Variants in PGM5 observed in about 807,000 individuals in gnomAD.
PGM5 encodes the protein phosphoglucomutase-like protein 5.
PGM5 carries 23 observed loss-of-function variants against 59.2 expected under a neutral mutation model. The ratio of observed to expected loss-of-function variants is 0.39; its 90% confidence interval spans 0.28 to 0.55. The LOEUF is 0.55. Among genes scored for constraint, PGM5 ranks in the 20% least tolerant of loss-of-function variants. The pLI is 0.66. For missense variants in PGM5, 574 were observed against 748.3 expected, an observed-to-expected ratio of 0.77 and a Z score of 2.72; for synonymous variants, 214 against 286.0, an observed-to-expected ratio of 0.75 and a Z score of 2.54.
chr9:68,403,380 GTAA>G (rs1192557117), intron 6 of PGM5, among the ~76,000 whole-genome samples: 2 of 152,064 alleles, frequency 1.3e-5, no homozygotes, highest in African/African-American at 4.8e-5. Context: ...ATATTACAGA[GTAA>G]TAATAATAGA....
At chr9:68,473,002 G>T (rs994519569) in intron 7 of PGM5, among the ~76,000 whole-genome samples, 6 of 152,056 alleles carry the variant, frequency 3.9e-5, no homozygotes, top group Non-Finnish European at 5.9e-5. Flanking sequence ...GCATAGAAAG[G>T]TGACTTTTTT....
At chr9:68,527,331 A>T (rs1472169891) in intron 10 of PGM5, among the ~76,000 whole-genome samples, 2 of 152,158 alleles carry the variant, frequency 1.3e-5, no homozygotes, top group African/African-American at 4.8e-5. Flanking sequence ...GTTTATCTTT[A>T]TTCACCCTCT....
At chr9:68,426,678 T>G (rs1823244788) in intron 6 of PGM5, among the ~76,000 whole-genome samples, 1 of 151,494 alleles carries the variant, frequency 6.6e-6, no homozygotes. Context: ...GGAGTCAAAG[T>G]GAATGACCAT....
Position 68,480,957 on chromosome 9 carries a change from T to G in PGM5, c.1295+1404T>G, listed in dbSNP as rs535566198. Reference sequence around the variant, plus strand: ...GAAGCCATGGGTTAGGAGGAGGGAGTAGGAAACGATGTTAACTGTAAAGAA... The same window carrying G: ...GAAGCCATGGGTTAGGAGGAGGGAGGAGGAAACGATGTTAACTGTAAAGAA... On this transcript the variant is annotated intron_variant, in intron 8 of 10. Transcript: ENST00000396396. Among the ~76,000 whole-genome samples, 11 of 151,786 alleles carry G rather than the reference T, an allele frequency of 7.2e-5. No individual in the cohort carries two copies. The South Asian group carries it at 2.1e-3, about 29-fold the overall frequency.
In PGM5 at chr9:68,384,526, A is replaced by T. The variant is rs1240762339; in HGVS notation, c.553A>T (p.Lys185Ter). ...AAGACAAGAATTTGACCTAGAAAAC[A>T]AATTCAAACCATTCAGAGGTAACAG... ...LGRQEFDLEN[K>*]FKPFRVEIVD... Residue 185 changes from lysine to a stop codon, truncating the protein, a stop_gained, in exon 3 of 11, where the codon AAA becomes TAA. Transcript: ENST00000396396. LOFTEE classifies it high-confidence loss of function. 5 of 1,610,342 alleles carry T rather than the reference A, an allele frequency of 3.1e-6. No homozygotes were observed. The highest frequency in any genetic ancestry group is 4.2e-6 in the Non-Finnish European group (5 of 1,177,400).
At chr9:68,395,667 T>G (rs1554679908) in intron 6 of PGM5, 1 of 152,178 alleles carries the variant, frequency 6.6e-6, no homozygotes, top group African/African-American at 2.4e-5. Context: ...TTTGTTAAAT[T>G]TATTTCTGAG....
chr9:68,529,860 C>T lies in PGM5; in HGVS notation c.*204C>T, dbSNP rs1322847927. 4.2e-6 allele frequency: 2 copies of T among 476,672 alleles called. No individual in the cohort carries two copies. The highest frequency in any genetic ancestry group is 7.4e-6 in the Non-Finnish European group (2 of 270,946). 29.5% of individuals were successfully genotyped at this position (476,672 alleles called of 1,614,324 possible). On this transcript the variant is annotated 3_prime_UTR_variant, in exon 11 of 11. Transcript: ENST00000396396. ...CCTATTCCTCCAAATGCAGCAGGGCCTTTAGTTGTCTGTTAAAGCTGCACT... is the reference window on the plus strand; with the variant it reads ...CCTATTCCTCCAAATGCAGCAGGGCTTTTAGTTGTCTGTTAAAGCTGCACT...
At chr9:68,444,209 G>C (rs1366426447) in intron 6 of PGM5, among the ~76,000 whole-genome samples, 1 of 152,046 alleles carries the variant, frequency 6.6e-6, no homozygotes, top group East Asian at 1.9e-4. Context: ...AGAGTGGTGG[G>C]CATTGAGGGA....
intron 6 of PGM5, among the ~76,000 whole-genome samples, chr9:68,417,742 C>T (rs1239060499): frequency 6.6e-6 from 1 of 152,182 alleles, no homozygotes; most frequent in Non-Finnish European, 1.5e-5. Context: ...TACTCCTTTT[C>T]CTGCCTGTCT....
intron 6 of PGM5, among the ~76,000 whole-genome samples, chr9:68,436,759 G>A (rs1056643533): frequency 2.6e-5 from 4 of 152,072 alleles, no homozygotes; most frequent in African/African-American, 9.7e-5. Context: ...TTTAAAATTC[G>A]ATATTAACTA....
At chr9:68,412,144 C>G (rs1822946010) in intron 6 of PGM5, among the ~76,000 whole-genome samples, 1 of 150,408 alleles carries the variant, frequency 6.6e-6, no homozygotes, top group African/African-American at 2.5e-5. Flanking sequence ...TGCTTCTTGT[C>G]TGATTGTCAT....
At chr9:68,429,892 C>T (rs1195256653) in intron 6 of PGM5, among the ~76,000 whole-genome samples, 1 of 152,216 alleles carries the variant, frequency 6.6e-6, no homozygotes, top group Non-Finnish European at 1.5e-5. Context: ...CATGTATGGA[C>T]TTGAACCTCA....
At position 68,529,709 on chromosome 9, in the gene PGM5, T is replaced by A. The variant is rs1173316495; in HGVS notation, c.*53T>A. ...AAAGAGAGTGCTCAGCGGGAGATGCTTCACTGATGCCTTCTTGCTACCTGT... is the reference window on the plus strand; with the variant it reads ...AAAGAGAGTGCTCAGCGGGAGATGCATCACTGATGCCTTCTTGCTACCTGT... On this transcript the variant is annotated 3_prime_UTR_variant, in exon 11 of 11. Coordinates refer to ENST00000396396, the MANE Select transcript of PGM5 (RefSeq NM_021965.4). 2 of 1,103,164 alleles carry A rather than the reference T, an allele frequency of 1.8e-6. No homozygotes were observed. The highest frequency in any genetic ancestry group is 5.4e-5 in the East Asian group (2 of 37,090). The allele number at this position is 1,103,164 out of a possible 1,614,324, so 68.3% of individuals were successfully genotyped here.
chr9:68,438,368 C>G (rs988209389), intron 6 of PGM5, among the ~76,000 whole-genome samples: 5 of 147,266 alleles, frequency 3.4e-5, no homozygotes, highest in Non-Finnish European at 7.5e-5. Flanking sequence ...TATTTTGAGA[C>G]ATGACTGTCA....
chr9:68,374,841 T>C (rs1318140048), intron 1 of PGM5, among the ~76,000 whole-genome samples: 4 of 152,256 alleles, frequency 2.6e-5, no homozygotes, highest in African/African-American at 9.6e-5. Flanking sequence ...TTGGATCTTA[T>C]ATACAGTGGG....
intron 1 of PGM5, among the ~76,000 whole-genome samples, chr9:68,363,220 T>C (rs1377889708): frequency 6.6e-6 from 1 of 152,184 alleles, no homozygotes; most frequent in Non-Finnish European, 1.5e-5. Context: ...CATTATATAA[T>C]AGCACTGTTC....
intron 1 of PGM5, among the ~76,000 whole-genome samples, chr9:68,376,896 TTC>T (rs1404450731): frequency 3.4e-5 from 4 of 118,272 alleles, no homozygotes; most frequent in East Asian, 2.3e-4. Flanking sequence ...TTTTCTTTCT[TTC>T]TCTCTCTTTC....
At chr9:68,516,099 A>C (rs1824819784) in intron 10 of PGM5, among the ~76,000 whole-genome samples, 2 of 152,354 alleles carry the variant, frequency 1.3e-5, no homozygotes, top group South Asian at 4.1e-4. Flanking sequence ...GAATTTGAAC[A>C]ATCTACTGTT....
At chr9:68,441,245 A>G (rs1422824597) in intron 6 of PGM5, among the ~76,000 whole-genome samples, 3 of 152,116 alleles carry the variant, frequency 2.0e-5, no homozygotes, top group African/African-American at 7.2e-5. Flanking sequence ...TATCTTCCAG[A>G]AAAAGGAAGA....
Sources: gnomAD v4.1 joint callset for allele counts (sites outside exome capture counted in the v4.1 genomes callset) on GRCh38, gnomAD v4.1.1 for gene constraint, MANE v1.5 for transcripts, NCBI Gene and HGNC (gene_info 2026-07-23, HGNC 2026-07-21) for gene names.